LYRM4: variants seen among roughly 807,000 people sequenced by gnomAD.
LYRM4 encodes the protein LYR motif containing 4, also known as LYR motif-containing protein 4.
In LYRM4, 9 loss-of-function variants were observed where a neutral mutation model predicts 11.7. The observed-to-expected ratio is 0.77, with a 90% CI of 0.46 to 1.34. LYRM4 has a LOEUF of 1.34. Among genes scored for constraint, LYRM4 ranks in the 40% most tolerant of loss-of-function variants. The pLI is 0.00. For synonymous variants in LYRM4, 42 were observed against 40.4 expected (o/e 1.04, Z -0.15); for missense variants, 133 against 112.5 (o/e 1.18, Z -0.82).
At chr6:5,086,472 C>G in the LYRM4 span, 1 of 1,537,166 alleles carries the variant, frequency 6.5e-7, no homozygotes, top group Non-Finnish European at 8.7e-7. Flanking sequence ...ACTTCGCTGT[C>G]TGCTACCGCT....
chr6:5,245,740 T>C (rs1017570405), intron 1 of LYRM4, among the ~76,000 whole-genome samples: 1 of 152,220 alleles, frequency 6.6e-6, no homozygotes, highest in African/African-American at 2.4e-5. Context: ...GTGGTGCAAG[T>C]GTCACTGTGG....
intron 1 of LYRM4, among the ~76,000 whole-genome samples, chr6:5,245,313 C>A (rs1022418036): frequency 6.6e-6 from 1 of 150,894 alleles, no homozygotes; most frequent in African/African-American, 2.4e-5. Flanking sequence ...CTGAACATGG[C>A]CGCCCCGGTA....
At chr6:5,173,693 A>G (rs1759555535) in intron 2 of LYRM4, among the ~76,000 whole-genome samples, 2 of 152,234 alleles carry the variant, frequency 1.3e-5, no homozygotes, top group Non-Finnish European at 2.9e-5. Flanking sequence ...ATTGAGTACT[A>G]TATGCTAATC....
chr6:5,141,558 G>A (rs1196469318), intron 2 of LYRM4, among the ~76,000 whole-genome samples: 1 of 152,136 alleles, frequency 6.6e-6, no homozygotes, highest in East Asian at 1.9e-4. Context: ...ATATCAAAAC[G>A]CATACTAACA....
At chr6:5,095,418 G>C in the LYRM4 span, among the ~76,000 whole-genome samples, 1 of 152,172 alleles carries the variant, frequency 6.6e-6, no homozygotes, top group African/African-American at 2.4e-5. Flanking sequence ...AACAGAAAAA[G>C]CCAAGTGACA....
intron 1 of LYRM4, among the ~76,000 whole-genome samples, chr6:5,227,420 CA>C (rs1762957031): frequency 6.6e-6 from 1 of 152,088 alleles, no homozygotes; most frequent in Non-Finnish European, 1.5e-5. Flanking sequence ...GACAAGAAGG[CA>C]AATTGTACAG....
At chr6:5,085,972 C>T in the LYRM4 span, 1 of 1,527,240 alleles carries the variant, frequency 6.5e-7, no homozygotes, top group Non-Finnish European at 8.7e-7. Flanking sequence ...CGTGCTCTCG[C>T]GCCTCCGAAG....
At chr6:5,068,234 C>A in the LYRM4 span, among the ~76,000 whole-genome samples, 2 of 152,300 alleles carry the variant, frequency 1.3e-5, no homozygotes, top group East Asian at 3.9e-4. The surrounding 1 kb of genome is among the most constrained non-coding windows in gnomAD (Gnocchi z 4.0). Context: ...AAGTAGAAGT[C>A]AGTTTGGAAA....
At chr6:5,111,329 C>T (rs1762872717) in intron 2 of LYRM4, among the ~76,000 whole-genome samples, 2 of 152,220 alleles carry the variant, frequency 1.3e-5, no homozygotes. Flanking sequence ...TTTAATTGAT[C>T]TCAGGGGATT....
At chr6:5,171,406 A>G (rs1186043167) in intron 2 of LYRM4, among the ~76,000 whole-genome samples, 1 of 152,232 alleles carries the variant, frequency 6.6e-6, no homozygotes, top group Non-Finnish European at 1.5e-5. Flanking sequence ...GCCATTCAGC[A>G]TCTAACATTT....
At chr6:5,251,178 A>G (rs1764412183) in intron 1 of LYRM4, among the ~76,000 whole-genome samples, 1 of 151,286 alleles carries the variant, frequency 6.6e-6, no homozygotes, top group South Asian at 2.1e-4. Context: ...ATATATACAT[A>G]CACACACACA....
chr6:5,063,700 G>A, the LYRM4 span, among the ~76,000 whole-genome samples: 2 of 152,196 alleles, frequency 1.3e-5, no homozygotes, highest in Non-Finnish European at 2.9e-5. Flanking sequence ...CAGATCACAT[G>A]TGGGTGCCAC....
intron 2 of LYRM4, among the ~76,000 whole-genome samples, chr6:5,109,934 G>A (rs1437696426): frequency 2.0e-5 from 3 of 149,174 alleles, no homozygotes; most frequent in African/African-American, 7.5e-5. Context: ...TGCATTCAGG[G>A]CAATGCAGAC....
intron 2 of LYRM4, among the ~76,000 whole-genome samples, chr6:5,133,287 G>A (rs1355061740): frequency 6.6e-6 from 1 of 152,216 alleles, no homozygotes; most frequent in East Asian, 1.9e-4. Context: ...TTCTAAAAAA[G>A]GAGAGAACAT....
chr6:5,183,908 C>T (rs541801996), intron 2 of LYRM4, among the ~76,000 whole-genome samples: 7 of 152,180 alleles, frequency 4.6e-5, no homozygotes, highest in Non-Finnish European at 1.0e-4. Context: ...GAAAGTGGAC[C>T]TCGAATGTTC....
intron 2 of LYRM4, among the ~76,000 whole-genome samples, chr6:5,207,507 C>A (rs1329894261): frequency 1.3e-5 from 2 of 152,190 alleles, no homozygotes; most frequent in African/African-American, 4.8e-5. Flanking sequence ...GTTCCTTTGT[C>A]ATCTTGGGAG....
chr6:5,184,227 G>A (rs1413902379), intron 2 of LYRM4, among the ~76,000 whole-genome samples: 1 of 152,080 alleles, frequency 6.6e-6, no homozygotes, highest in African/African-American at 2.4e-5. Context: ...CACTTTGTAG[G>A]TATTCAAATA....
intron 1 of LYRM4, among the ~76,000 whole-genome samples, chr6:5,227,439 A>G (rs11242997): frequency 0.049 from 7,470 of 152,248 alleles, 601 homozygotes; most frequent in African/African-American, 0.16. Context: ...CAGAGAGTAG[A>G]TAAGATTGTT....
rs549179874 is a variant in LYRM4, at chr6:5,223,473, C to T, written c.87-6735G>A. 4.6e-5 allele frequency among the ~76,000 whole-genome samples: 7 copies of T among 152,244 alleles called. No individual in the cohort carries two copies. In the South Asian group the frequency reaches 1.0e-3, roughly 23 times the overall value. ...GACTCTAGAGCCTGTGATTTTCAAC[C>T]CTAGGCTATTCCTCCTCCACAGGTC... On this transcript the variant is annotated intron_variant, in intron 1 of 2. Coordinates refer to ENST00000330636, the MANE Select transcript of LYRM4 (RefSeq NM_020408.6).
Sources: allele counts gnomAD v4.1 joint callset (sites outside exome capture counted in the v4.1 genomes callset), GRCh38; gene constraint gnomAD v4.1.1; non-coding constraint Gnocchi (gnomAD v3.1); transcripts MANE v1.5; gene names NCBI Gene and HGNC (gene_info 2026-07-23, HGNC 2026-07-21).